The following GRAMD1B variants were observed in gnomAD, a reference collection of about 807,000 sequenced individuals.
GRAMD1B encodes GRAM domain containing 1B, also known as protein Aster-B.
In GRAMD1B, 37 loss-of-function variants were observed where a neutral mutation model predicts 99.7. The ratio of observed to expected loss-of-function variants is 0.37; its 90% CI spans 0.29 to 0.49. The LOEUF (loss-of-function observed/expected upper bound fraction) is 0.49. GRAMD1B is among the 20% of genes least tolerant of loss of function. GRAMD1B has a pLI of 0.98. For missense variants in GRAMD1B, 888 were observed against 1,009.2 expected, an observed-to-expected ratio of 0.88 and a Z score of 1.63; for synonymous variants, 427 against 387.6, an observed-to-expected ratio of 1.10 and a Z score of -1.19.
At chr11:123,361,089 T>A (rs1034579740) in intron 1 of GRAMD1B, among the ~76,000 whole-genome samples, 2 of 152,142 alleles carry the variant, frequency 1.3e-5, no homozygotes, top group Non-Finnish European at 2.9e-5. Flanking sequence ...GTGCTGGGAT[T>A]ACAGGCGTGA....
chr11:123,460,606 T>C (rs190152437), intron 1 of GRAMD1B, among the ~76,000 whole-genome samples: 5 of 152,308 alleles, frequency 3.3e-5, no homozygotes, highest in Non-Finnish European at 5.9e-5. Flanking sequence ...TGTCTTCCAA[T>C]TGGAAAAAAC....
intron 1 of GRAMD1B, among the ~76,000 whole-genome samples, chr11:123,470,719 T>G: frequency 6.6e-6 from 1 of 152,150 alleles, no homozygotes. Flanking sequence ...ATTAATTAAC[T>G]TGCTTAATCC....
chr11:123,373,405 G>T (rs949024213), intron 1 of GRAMD1B, among the ~76,000 whole-genome samples: 2 of 152,174 alleles, frequency 1.3e-5, no homozygotes, highest in African/African-American at 4.8e-5. Flanking sequence ...GCCCAGAAGA[G>T]GAGACTGAAT....
At chr11:123,483,742 C>G (rs1951739078) in intron 2 of GRAMD1B, among the ~76,000 whole-genome samples, 1 of 152,084 alleles carries the variant, frequency 6.6e-6, no homozygotes, top group South Asian at 2.1e-4. Flanking sequence ...GGGGGGACTG[C>G]TGTAATCTCT....
Position 123,577,414 on chromosome 11 carries a change from T to A in GRAMD1B, c.500T>A (p.Leu167His). Reference protein sequence around the residue: ...NRSTPACSPILRKRSRSPTPQ... With the variant: ...NRSTPACSPIHRKRSRSPTPQ... The stretch of plus-strand genomic sequence containing the variant: ...AGCACGCCGGCCTGCTCGCCCATCC[T>A]CCGGAAGCGGTCTCGCTCGCCAACC... Residue 167 changes from leucine to histidine, a missense_variant, in exon 3 of 20, where the codon CTC becomes CAC. Around this residue, in one of 5 missense-constraint regions of GRAMD1B, gnomAD observed 233 missense variants for 154.6 expected, o/e 1.51. Transcript: ENST00000635736. 6.3e-7 allele frequency: 1 copy of A among 1,599,012 alleles called. No individual in the cohort carries two copies. The highest frequency in any genetic ancestry group is 1.1e-5 in the South Asian group (1 of 88,130).
At chr11:123,367,751 C>T (rs1946369839) in intron 1 of GRAMD1B, among the ~76,000 whole-genome samples, 1 of 150,930 alleles carries the variant, frequency 6.6e-6, no homozygotes, top group African/African-American at 2.4e-5. Flanking sequence ...AGGAATATAA[C>T]TCTAGAAGCA....
intron 1 of GRAMD1B, among the ~76,000 whole-genome samples, chr11:123,412,205 A>T (rs959994986): frequency 1.3e-5 from 2 of 152,254 alleles, no homozygotes; most frequent in Admixed American, 6.5e-5. Context: ...TAGTGGAAAT[A>T]TAACAATTTC....
intron 1 of GRAMD1B, among the ~76,000 whole-genome samples, chr11:123,380,168 C>G (rs548810734): frequency 6.6e-6 from 1 of 152,132 alleles, no homozygotes; most frequent in African/African-American, 2.4e-5. Context: ...AAACACGAAA[C>G]CTTCTAATTT....
At chr11:123,463,255 C>T (rs892752706) in intron 1 of GRAMD1B, among the ~76,000 whole-genome samples, 2 of 152,190 alleles carry the variant, frequency 1.3e-5, no homozygotes, top group African/African-American at 4.8e-5. Flanking sequence ...CCAAGTGATC[C>T]ACCCGCCTTG....
Position 123,452,988 on chromosome 11 carries a change from T to G in GRAMD1B, c.374+21822T>G, listed in dbSNP as rs1415461382. On this transcript the variant is annotated intron_variant, in intron 1 of 19. Transcript: ENST00000635736. ...TTAGATAATTTTGTGTTACTTTCAG[T>G]GCATTTTTCTGACCTTGTTCCTCAT... 2.0e-5 allele frequency among the ~76,000 whole-genome samples: 3 copies of G among 152,202 alleles called. No individual in the cohort carries two copies. In the East Asian group the frequency reaches 5.8e-4, roughly 29 times the overall value.
chr11:123,444,101 C>T (rs1949532524), intron 1 of GRAMD1B, among the ~76,000 whole-genome samples: 1 of 152,052 alleles, frequency 6.6e-6, no homozygotes, highest in South Asian at 2.1e-4. Flanking sequence ...CAGTTAATCT[C>T]TTCAGGATTA....
At chr11:123,546,229 A>T (rs7126446) in intron 2 of GRAMD1B, among the ~76,000 whole-genome samples, 32,854 of 152,118 alleles carry the variant, frequency 0.22, 5,346 homozygotes, top group African/African-American at 0.45. Context: ...AGGAGGATGG[A>T]CAGAAGTGTC....
At chr11:123,476,542 C>T (rs547417526) in intron 1 of GRAMD1B, among the ~76,000 whole-genome samples, 1 of 152,336 alleles carries the variant, frequency 6.6e-6, no homozygotes, top group South Asian at 2.1e-4. Flanking sequence ...TCTAGAGTCC[C>T]TCCAGCTCGA....
chr11:123,554,105 T>G (rs1268935529), intron 2 of GRAMD1B, among the ~76,000 whole-genome samples: 2 of 152,222 alleles, frequency 1.3e-5, no homozygotes, highest in African/African-American at 4.8e-5. Flanking sequence ...CTCTGTTTAC[T>G]CTGTATGTGA....
chr11:123,539,393 T>A (rs918319681), intron 2 of GRAMD1B, among the ~76,000 whole-genome samples: 4 of 151,738 alleles, frequency 2.6e-5, no homozygotes, highest in African/African-American at 9.7e-5. Flanking sequence ...CTTGAACCCA[T>A]GAGTTCAAAA....
chr11:123,397,207 C>A (rs910240466), intron 1 of GRAMD1B, among the ~76,000 whole-genome samples: 1 of 152,028 alleles, frequency 6.6e-6, no homozygotes, highest in Non-Finnish European at 1.5e-5. Context: ...AGTTCGAGAC[C>A]AGCCTGGCCA....
chr11:123,435,511 C>G lies in GRAMD1B; in HGVS notation c.374+4345C>G, dbSNP rs775426375. ...GAGACCCTTTTCTTCTCCTTAAACC[C>G]TAGGAAGGAAGAAGTGGAACAAATG... On this transcript the variant is annotated intron_variant, in intron 1 of 19. Coordinates refer to ENST00000635736, the MANE Select transcript of GRAMD1B (RefSeq NM_001387025.1). 6 of 691,388 alleles carry G rather than the reference C, an allele frequency of 8.7e-6. No homozygotes were observed. In the South Asian group the frequency reaches 9.1e-5, roughly 10 times the overall value. 42.8% of individuals were successfully genotyped at this position (691,388 alleles called of 1,614,324 possible).
chr11:123,467,416 T>TA (rs55824074), intron 1 of GRAMD1B, among the ~76,000 whole-genome samples: 36,255 of 138,966 alleles, frequency 0.26, 5,278 homozygotes, highest in East Asian at 0.36. Context: ...TTTTTTTTTT[T>TA]ACTGACTTTC....
chr11:123,608,866 C>T, intron 12 of GRAMD1B, 64 bp downstream of exon 12: 1 of 1,102,972 alleles, frequency 9.1e-7, no homozygotes, highest in Non-Finnish European at 1.3e-6. Flanking sequence ...TCCCTCTCTA[C>T]ATTTGCTTCC....
Sources: allele counts gnomAD v4.1 joint callset (sites outside exome capture counted in the v4.1 genomes callset), GRCh38; gene constraint gnomAD v4.1.1; regional missense constraint gnomAD v4.1.1; transcripts MANE v1.5; gene names NCBI Gene and HGNC (gene_info 2026-07-23, HGNC 2026-07-21).